The following RTN4 variants were observed in gnomAD, a reference collection of about 807,000 sequenced individuals.
RTN4 encodes the protein reticulon 4, also known as reticulon-4.
In RTN4, 32 loss-of-function variants were observed where a neutral mutation model predicts 90.4. The ratio of observed to expected loss-of-function variants is 0.35; its 90% confidence interval spans 0.27 to 0.48. The LOEUF is 0.48. RTN4 is among the 20% of genes least tolerant of loss of function. The pLI is 0.99. For missense variants in RTN4, 1,706 were observed against 1,430.2 expected (o/e 1.19, Z -3.11); for synonymous variants, 629 against 552.5 (o/e 1.14, Z -1.94).
intron 1 of RTN4, among the ~76,000 whole-genome samples, chr2:55,032,244 T>G (rs1428236403): frequency 2.0e-5 from 3 of 152,058 alleles, no homozygotes; most frequent in Admixed American, 2.0e-4. Context: ...CACACCAAGC[T>G]AATTTTTGTG....
intron 1 of RTN4, among the ~76,000 whole-genome samples, chr2:55,095,909 C>G (rs1573514417): frequency 1.3e-5 from 2 of 152,206 alleles, no homozygotes; most frequent in East Asian, 3.8e-4. Context: ...AGGGACTGAT[C>G]AGGCAATTTG....
At chr2:55,069,944 G>A (rs1668457166) in intron 2 of RTN4, among the ~76,000 whole-genome samples, 1 of 152,164 alleles carries the variant, frequency 6.6e-6, no homozygotes, top group South Asian at 2.1e-4. Context: ...AAGGGATGAA[G>A]AATTAAGAGA....
intron 3 of RTN4, among the ~76,000 whole-genome samples, chr2:54,995,813 G>C (rs1000603392): frequency 2.0e-5 from 3 of 152,042 alleles, no homozygotes; most frequent in Non-Finnish European, 4.4e-5. Context: ...AGTACCCAGA[G>C]AAAACCCCAT....
intron 1 of RTN4, among the ~76,000 whole-genome samples, chr2:55,097,714 T>C (rs1667770462): frequency 6.6e-6 from 1 of 152,100 alleles, no homozygotes; most frequent in African/African-American, 2.4e-5. Context: ...CTGGGAAAGA[T>C]AATGAGCTCA....
At chr2:55,001,040 C>T (rs1159595886) in intron 3 of RTN4, among the ~76,000 whole-genome samples, 1 of 151,948 alleles carries the variant, frequency 6.6e-6, no homozygotes, top group Non-Finnish European at 1.5e-5. Flanking sequence ...ATAAAAAAGA[C>T]ATTGGTGAAT....
chr2:55,115,082 T>C (rs1668101007), upstream of RTN4, among the ~76,000 whole-genome samples: 1 of 152,130 alleles, frequency 6.6e-6, no homozygotes, highest in African/African-American at 2.4e-5. Flanking sequence ...TCTTGGTATA[T>C]GGGTTAAATT....
chr2:54,987,760 T>C (rs952530236), intron 3 of RTN4, 62 bp from the exon 4 acceptor site: 48 of 1,417,748 alleles, frequency 3.4e-5, no homozygotes, highest in Admixed American at 6.0e-5. Context: ...ATTTGCTCCA[T>C]CTATGAAAAC....
chr2:54,992,359 C>G (rs761710862), intron 3 of RTN4, among the ~76,000 whole-genome samples: 1 of 152,074 alleles, frequency 6.6e-6, no homozygotes, highest in Admixed American at 6.6e-5. Context: ...AAATGTTATA[C>G]GTGTGCATGC....
intron 1 of RTN4, among the ~76,000 whole-genome samples, chr2:55,108,206 C>T (rs984410481): frequency 6.6e-6 from 1 of 152,120 alleles, no homozygotes; most frequent in Non-Finnish European, 1.5e-5. Flanking sequence ...CCACCTGCCT[C>T]GGCCTCCCAA....
chr2:55,110,902 G>A lies in RTN4; in HGVS notation c.-214+1618C>T, dbSNP rs181240359. On this transcript the variant is annotated intron_variant, in intron 1 of 3. Transcript: ENST00000427710. The stretch of plus-strand genomic sequence containing the variant: ...CTAAAAATACAAAAATTAGCTGGGC[G>A]TGGTGGCACATGCCTGTAATCCCAG... Among the ~76,000 whole-genome samples, 258 of 152,172 alleles carry A rather than the reference G, an allele frequency of 1.7e-3. 1 individual carries two copies. The highest frequency in any genetic ancestry group is 5.9e-3 in the African/African-American group (246 of 41,514).
chr2:55,084,408 T>C (rs1668799456), intron 1 of RTN4, among the ~76,000 whole-genome samples: 1 of 151,522 alleles, frequency 6.6e-6, no homozygotes, highest in South Asian at 2.1e-4. Context: ...CTGAAATTGC[T>C]GGGATTACAG....
chr2:55,093,067 A>G (rs976728547), intron 1 of RTN4, among the ~76,000 whole-genome samples: 1 of 152,224 alleles, frequency 6.6e-6, no homozygotes, highest in Non-Finnish European at 1.5e-5. Context: ...AAATATCAGA[A>G]GATAAGAGCC....
intron 1 of RTN4, among the ~76,000 whole-genome samples, chr2:55,099,008 T>C (rs1299572887): frequency 1.3e-5 from 2 of 152,118 alleles, no homozygotes; most frequent in African/African-American, 4.8e-5. Context: ...TACTGTTTGG[T>C]TGTCTGTATT....
intron 4 of RTN4, among the ~76,000 whole-genome samples, chr2:54,983,705 C>A (rs1188851299): frequency 6.6e-6 from 1 of 152,208 alleles, no homozygotes; most frequent in African/African-American, 2.4e-5. Context: ...GATCTGCCTG[C>A]ATCCAAATCC....
intron 1 of RTN4, among the ~76,000 whole-genome samples, chr2:55,038,579 A>G (rs1409710041): frequency 6.6e-6 from 1 of 152,232 alleles, no homozygotes; most frequent in African/African-American, 2.4e-5. Context: ...AGGAACCACT[A>G]CATAACCACT....
chr2:55,028,004 C>A (rs572104369), intron 2 of RTN4, among the ~76,000 whole-genome samples, 160 bp downstream of exon 2: 192 of 152,302 alleles, frequency 1.3e-3, no homozygotes, highest in African/African-American at 4.4e-3. Flanking sequence ...TTCCCTTGGG[C>A]ATACCATATA....
chr2:55,077,698 A>G (rs1050982336), intron 2 of RTN4, among the ~76,000 whole-genome samples: 19 of 151,948 alleles, frequency 1.3e-4, no homozygotes, highest in African/African-American at 4.4e-4. Flanking sequence ...GCAAATGCAA[A>G]AAAATGGAAC....
At chr2:55,067,050 T>C (rs531086698) in intron 2 of RTN4, among the ~76,000 whole-genome samples, 1 of 152,226 alleles carries the variant, frequency 6.6e-6, no homozygotes, top group African/African-American at 2.4e-5. Flanking sequence ...TTGTTTATAA[T>C]GTACACTGTT....
chr2:55,063,208 G>T (rs1184156078), intron 2 of RTN4, among the ~76,000 whole-genome samples: 1 of 152,190 alleles, frequency 6.6e-6, no homozygotes, highest in Non-Finnish European at 1.5e-5. Context: ...TATAATTTTG[G>T]TAAATTATAT....
Sources: allele counts gnomAD v4.1 joint callset (sites outside exome capture counted in the v4.1 genomes callset), GRCh38; gene constraint gnomAD v4.1.1; transcripts MANE v1.5; gene names NCBI Gene and HGNC (gene_info 2026-07-23, HGNC 2026-07-21).